Variants in GLIS3 observed in about 807,000 individuals in gnomAD.
GLIS3 encodes the protein zinc finger protein GLIS3.
A neutral mutation model predicts 78.6 loss-of-function variants in GLIS3; 53 were observed. The ratio of observed to expected loss-of-function variants is 0.67; its 90% CI spans 0.54 to 0.85. The LOEUF is 0.85. Among genes scored for constraint, GLIS3 ranks in the 40% least tolerant of loss-of-function variants. The probability of loss-of-function intolerance (pLI) is 0.00; values close to 1 mark genes in which losing one functional copy is unlikely to be tolerated. For missense variants in GLIS3, 1,703 were observed against 1,231.1 expected (o/e 1.38, Z -5.74); for synonymous variants, 684 against 509.9 (o/e 1.34, Z -4.60).
At chr9:4,148,499 G>A (rs907074987) in intron 2 of GLIS3, among the ~76,000 whole-genome samples, 12 of 151,982 alleles carry the variant, frequency 7.9e-5, no homozygotes, top group African/African-American at 2.4e-4. Context: ...CTCCCACATA[G>A]TTATTCATTT....
chr9:4,387,851 T>G, the GLIS3 span, among the ~76,000 whole-genome samples: 47 of 152,340 alleles, frequency 3.1e-4, no homozygotes, highest in African/African-American at 1.1e-3. Flanking sequence ...GTCTGTTGTG[T>G]AACTGTAGCC....
chr9:4,484,113 G>A, the GLIS3 span, among the ~76,000 whole-genome samples: 6 of 152,154 alleles, frequency 3.9e-5, no homozygotes, highest in African/African-American at 1.4e-4. Context: ...CACTTGGCCC[G>A]CTGAAATTGC....
At chr9:3,869,782 C>G (rs1246943898) in intron 8 of GLIS3, among the ~76,000 whole-genome samples, 1 of 152,192 alleles carries the variant, frequency 6.6e-6, no homozygotes, top group Non-Finnish European at 1.5e-5. Context: ...CACCAGGAAA[C>G]TTAAGGTTCC....
intron 7 of GLIS3, among the ~76,000 whole-genome samples, chr9:3,884,775 G>T (rs142459266): frequency 2.6e-4 from 40 of 152,214 alleles, no homozygotes; most frequent in African/African-American, 9.6e-4. Flanking sequence ...GGCAAATAGC[G>T]GGGCTGGAAT....
At chr9:4,062,820 T>A (rs1289839520) in intron 4 of GLIS3, among the ~76,000 whole-genome samples, 1 of 151,882 alleles carries the variant, frequency 6.6e-6, no homozygotes, top group Non-Finnish European at 1.5e-5. Flanking sequence ...TCCCAGCTAC[T>A]TGGGAGGCTG....
chr9:3,982,587 T>A (rs747901244), intron 4 of GLIS3, among the ~76,000 whole-genome samples: 2 of 152,148 alleles, frequency 1.3e-5, no homozygotes, highest in African/African-American at 4.8e-5. Context: ...CAGGAAAAAA[T>A]TTGCTATATA....
intron 2 of GLIS3, among the ~76,000 whole-genome samples, chr9:4,224,590 C>T (rs1038851933): frequency 1.3e-5 from 2 of 152,156 alleles, no homozygotes; most frequent in Admixed American, 1.3e-4. Flanking sequence ...AATCCAGAAC[C>T]AAATCTCTGG....
chr9:4,489,079 G>A, the GLIS3 span, among the ~76,000 whole-genome samples: 3 of 151,992 alleles, frequency 2.0e-5, no homozygotes, highest in Non-Finnish European at 2.9e-5. Flanking sequence ...GTGTTAGCCA[G>A]GATGGTCTCA....
intron 2 of GLIS3, among the ~76,000 whole-genome samples, chr9:4,160,686 T>C (rs892241676): frequency 1.3e-5 from 2 of 152,340 alleles, no homozygotes; most frequent in African/African-American, 4.8e-5. Flanking sequence ...TATTACAATT[T>C]CAATATTTAT....
At chr9:4,024,910 G>A (rs1235357168) in intron 4 of GLIS3, among the ~76,000 whole-genome samples, 3 of 152,110 alleles carry the variant, frequency 2.0e-5, no homozygotes, top group African/African-American at 4.8e-5. Context: ...TGCCTGTCGT[G>A]TTCATCACTC....
chr9:4,354,362 A>C, the GLIS3 span, among the ~76,000 whole-genome samples: 1 of 152,208 alleles, frequency 6.6e-6, no homozygotes. Context: ...GGATGAGGGT[A>C]TAAGCACCCT....
At chr9:4,337,982 G>T (rs1215823869) in intron 2 of GLIS3, among the ~76,000 whole-genome samples, 1 of 151,596 alleles carries the variant, frequency 6.6e-6, no homozygotes, top group Admixed American at 6.6e-5. Flanking sequence ...TCCCAGGATG[G>T]TTTGCTCTTT....
intron 2 of GLIS3, among the ~76,000 whole-genome samples, chr9:4,126,483 T>TA (rs1255810182): frequency 6.6e-6 from 1 of 152,104 alleles, no homozygotes; most frequent in Non-Finnish European, 1.5e-5. Context: ...TCTACTCAAT[T>TA]TTTTAAAATA....
chr9:4,368,725 CT>C, the GLIS3 span, among the ~76,000 whole-genome samples: 2 of 152,164 alleles, frequency 1.3e-5, no homozygotes, highest in Non-Finnish European at 2.9e-5. Context: ...CACTTCGTGC[CT>C]CTGAACCTTG....
At chr9:4,271,324 A>C (rs1424471385) in intron 2 of GLIS3, among the ~76,000 whole-genome samples, 4 of 152,198 alleles carry the variant, frequency 2.6e-5, no homozygotes, top group African/African-American at 9.7e-5. Flanking sequence ...GTAGGCTACC[A>C]GTAGTTATGT....
intron 2 of GLIS3, among the ~76,000 whole-genome samples, chr9:4,326,106 T>G (rs142285899): frequency 0.013 from 1,929 of 152,244 alleles, 43 homozygotes; most frequent in African/African-American, 0.044. Flanking sequence ...ACGCTGGGCT[T>G]ACTTCCTAGG....
rs539377460 is a variant in GLIS3 at position 4,265,251 on chromosome 9, T to C, written c.388+20787A>G. On this transcript the variant is annotated intron_variant, in intron 2 of 10. Transcript: ENST00000381971. ...TGGTGAAAGGTGATAGGAAAAGATC[T>C]GGTTTACCATCTGTGCTAATCTCAT... is the stretch of plus-strand genomic sequence containing the variant. Among the ~76,000 whole-genome samples, 4 of 152,210 alleles carry C rather than the reference T, an allele frequency of 2.6e-5. No homozygotes were observed. The South Asian group carries it at 8.3e-4, about 32-fold the overall frequency.
intron 2 of GLIS3, among the ~76,000 whole-genome samples, chr9:4,188,945 C>T (rs1018317038): frequency 1.1e-4 from 16 of 152,076 alleles, no homozygotes; most frequent in African/African-American, 3.6e-4. Flanking sequence ...TTCAACAAAC[C>T]AGCTCCTGGA....
intron 4 of GLIS3, among the ~76,000 whole-genome samples, chr9:4,019,466 AG>A (rs1822698279): frequency 6.6e-6 from 1 of 152,182 alleles, no homozygotes; most frequent in Admixed American, 6.5e-5. Context: ...ATGCTCACTT[AG>A]CAAATATGTA....
Sources: allele counts gnomAD v4.1 joint callset (sites outside exome capture counted in the v4.1 genomes callset), GRCh38; gene constraint gnomAD v4.1.1; transcripts MANE v1.5; gene names NCBI Gene and HGNC (gene_info 2026-07-23, HGNC 2026-07-21).